OSBPL3: variants seen among roughly 807,000 people sequenced by gnomAD.
OSBPL3 encodes the protein oxysterol binding protein like 3.
OSBPL3 carries 65 observed loss-of-function variants against 120.1 expected under a neutral mutation model. The ratio of observed to expected loss-of-function variants is 0.54; its 90% CI spans 0.44 to 0.67. OSBPL3 has a LOEUF of 0.67. OSBPL3 is among the 30% of genes least tolerant of loss of function. OSBPL3 has a pLI of 0.00. For synonymous variants in OSBPL3, 416 were observed against 402.6 expected, an observed-to-expected ratio of 1.03 and a Z score of -0.40; for missense variants, 1,004 against 1,082.1, an observed-to-expected ratio of 0.93 and a Z score of 1.01.
In OSBPL3 at chr7:24,953,441, T is replaced by TA. The variant is rs971828738; in HGVS notation, c.-150+26444dup. 2.3e-4 allele frequency among the ~76,000 whole-genome samples: 34 copies of TA among 150,064 alleles called. No homozygotes were observed. Among genetic ancestry groups the TA allele is most frequent in the African/African-American group, 5.1e-4 (21 of 41,110 alleles). ...AATGTGTCTTATTAAAGTATTGTGT[T>TA]AAAAAAAAAAGTATTACGTATCTGC... On this transcript the variant is annotated intron_variant, in intron 1 of 22. Transcript: ENST00000313367. This position sits in a 1 kb window ranked among gnomAD's most constrained non-coding sequence, Gnocchi z 4.3.
At chr7:24,874,468 G>A (rs923287743) in intron 2 of OSBPL3, among the ~76,000 whole-genome samples, 1 of 152,058 alleles carries the variant, frequency 6.6e-6, no homozygotes, top group African/African-American at 2.4e-5. Context: ...TTACAAAACT[G>A]AAGAAAAAGT....
In OSBPL3 at chr7:24,830,144, T is replaced by C. The variant is rs1332035051; in HGVS notation, c.1884+624A>G. Among the ~76,000 whole-genome samples, 2 of 152,160 alleles carry C rather than the reference T, an allele frequency of 1.3e-5. No homozygotes were observed. Among genetic ancestry groups the C allele is most frequent in the East Asian group, 1.9e-4 (1 of 5,200 alleles). On this transcript the variant is annotated intron_variant, in intron 16 of 22. Transcript: ENST00000313367. The surrounding 1 kb of genome is among the most constrained non-coding windows in gnomAD (Gnocchi z 4.4). Reference sequence around the variant, plus strand: ...AAGCCTGAGTATTACTCTATGCTACTTCTATGGCAAGAGTGTGATGGAACC... The same window carrying C: ...AAGCCTGAGTATTACTCTATGCTACCTCTATGGCAAGAGTGTGATGGAACC...
chr7:24,888,904 T>C (rs1393132030), intron 2 of OSBPL3, among the ~76,000 whole-genome samples: 1 of 152,132 alleles, frequency 6.6e-6, no homozygotes, highest in African/African-American at 2.4e-5. Context: ...TGGATGAGAA[T>C]TTAAGTAAAA....
Position 24,872,029 on chromosome 7 carries a change from T to C in OSBPL3, c.137A>G (p.Asn46Ser), listed in dbSNP as rs1235075376. 3.1e-6 allele frequency: 5 copies of C among 1,613,958 alleles called. No individual in the cohort carries two copies. The highest frequency in any genetic ancestry group is 3.4e-6 in the Non-Finnish European group (4 of 1,179,848). The change falls in exon 3 of 23, where the codon AAT becomes AGT. Residue 46 changes from asparagine (N) to serine (S), a missense_variant. Around this residue, in one of 4 missense-constraint regions of OSBPL3, gnomAD observed 255 missense variants for 248.7 expected, o/e 1.03. Coordinates refer to ENST00000313367, the MANE Select transcript of OSBPL3 (RefSeq NM_015550.4). The surrounding 1 kb of genome is among the most constrained non-coding windows in gnomAD (Gnocchi z 4.1). ...EVVEGLRGEMNYTQEPPVQKG... is the reference protein window; with the variant it reads ...EVVEGLRGEMSYTQEPPVQKG... ...CTGAACTGGTGGCTCCTGGGTGTAA[T>C]TCATCTCCCCCCTCAGTCCTTCCAC...
Position 24,879,479 on chromosome 7 carries a change from A to G in OSBPL3, c.97-7410T>C, listed in dbSNP as rs866204592. ...CAGAGCTAGGGAAGTGAATATCCAG[A>G]TAATTCAGGCCCCAGAATGTTTCAA... On this transcript the variant is annotated intron_variant, in intron 2 of 22. Transcript: ENST00000313367. The surrounding 1 kb of genome is among the most constrained non-coding windows in gnomAD (Gnocchi z 5.6). Among the ~76,000 whole-genome samples, 3 of 152,202 alleles carry G rather than the reference A, an allele frequency of 2.0e-5. No individual in the cohort carries two copies. Among genetic ancestry groups the G allele is most frequent in the Admixed American group, 1.3e-4 (2 of 15,282 alleles).
chr7:24,948,009 A>T (rs549403056), intron 1 of OSBPL3, among the ~76,000 whole-genome samples: 1 of 152,228 alleles, frequency 6.6e-6, no homozygotes, highest in Non-Finnish European at 1.5e-5. Context: ...AAGAAATAAA[A>T]AAATCAAACT....
intron 2 of OSBPL3, among the ~76,000 whole-genome samples, chr7:24,878,528 T>C (rs559429557): frequency 6.6e-6 from 1 of 152,344 alleles, no homozygotes; most frequent in African/African-American, 2.4e-5. Flanking sequence ...ATGATTGTTC[T>C]ATGAACACTG....
chr7:24,811,011 C>G (rs1793730117), intron 19 of OSBPL3, among the ~76,000 whole-genome samples: 1 of 152,192 alleles, frequency 6.6e-6, no homozygotes. Context: ...ATCTCTTTGA[C>G]ATACTGATTT....
At chr7:24,954,427 T>C (rs1168696709) in intron 1 of OSBPL3, among the ~76,000 whole-genome samples, 1 of 152,184 alleles carries the variant, frequency 6.6e-6, no homozygotes, top group Non-Finnish European at 1.5e-5. Flanking sequence ...CCAAGAATCA[T>C]CTACACTGCT....
At chr7:24,829,790 A>G (rs1796154020) in intron 16 of OSBPL3, among the ~76,000 whole-genome samples, 1 of 152,150 alleles carries the variant, frequency 6.6e-6, no homozygotes. Context: ...TAAAATTTCA[A>G]TATGTATACA....
rs1792040520 is a variant in OSBPL3, at chr7:24,799,372, G to T, written c.*811C>A. On this transcript the variant is annotated 3_prime_UTR_variant, in exon 23 of 23. Coordinates refer to ENST00000313367, the MANE Select transcript of OSBPL3 (RefSeq NM_015550.4). This position sits in a 1 kb window ranked among gnomAD's most constrained non-coding sequence, Gnocchi z 5.3. ...AAAAACGGGGTGGGGTGGGAAGCAG[G>T]AAACAGTCTCTTAACTTCTCAAGGA... The T allele has an allele frequency of 6.6e-6, 1 of 152,198 alleles. No homozygotes were observed. The highest frequency in any genetic ancestry group is 1.5e-5 in the Non-Finnish European group (1 of 68,036). 9.4% of individuals were successfully genotyped at this position (152,198 alleles called of 1,614,324 possible). A position where few individuals can be genotyped will look rare whatever the true frequency, so the allele number is the denominator to read the frequency against.
rs375734818 is a variant in OSBPL3 at position 24,806,826 on chromosome 7, T to C, written c.2394A>G (p.Ser798=). Residue 798 remains serine (S), a synonymous_variant, in exon 21 of 23, where the codon TCA becomes TCG. Transcript: ENST00000313367. This position sits in a 1 kb window ranked among gnomAD's most constrained non-coding sequence, Gnocchi z 5.2. ...CAGTAGGTGGCAATAAAGACTTTGA[T>C]GATGGATCCATTTCATTTAATTCCA... The part of the protein sequence containing the change: ...FALELNEMDP[S]SKSLLPPTDT... 1.6e-4 allele frequency: 261 copies of C among 1,613,808 alleles called. No individual in the cohort carries two copies. The highest frequency in any genetic ancestry group is 2.1e-4 in the Non-Finnish European group (245 of 1,179,786).
rs562064764 is a variant in OSBPL3 at position 24,965,688 on chromosome 7, G to C, written c.-150+14198C>G. Among the ~76,000 whole-genome samples the C allele has an allele frequency of 6.6e-6, 1 of 152,068 alleles. No homozygotes were observed. Among genetic ancestry groups the C allele is most frequent in the African/African-American group, 2.4e-5 (1 of 41,400 alleles). ...ACTAAATCAGAAACTGTGGGGGTGG[G>C]GCCCAGCAATCTGTTTTATTAAATA... On this transcript the variant is annotated intron_variant, in intron 1 of 22. Transcript: ENST00000313367. This position sits in a 1 kb window ranked among gnomAD's most constrained non-coding sequence, Gnocchi z 4.3.
At position 24,939,993 on chromosome 7, in the gene OSBPL3, AAAAG is replaced by A. The variant is rs1392979135; in HGVS notation, c.-150+39889_-150+39892del. ...TGTTCTGCACATGTATCCCAGAACTAAAAGAAAGAAAGAAAAATAAATACATAAA... is the reference window on the plus strand; with the variant it reads ...TGTTCTGCACATGTATCCCAGAACTAAAAGAAAGAAAAATAAATACATAAA... On this transcript the variant is annotated intron_variant, in intron 1 of 22. Coordinates refer to ENST00000313367, the MANE Select transcript of OSBPL3 (RefSeq NM_015550.4). The surrounding 1 kb of genome is among the most constrained non-coding windows in gnomAD (Gnocchi z 4.2). 1.3e-5 allele frequency among the ~76,000 whole-genome samples: 2 copies of A among 152,178 alleles called. No individual in the cohort carries two copies. The highest frequency in any genetic ancestry group is 2.4e-5 in the African/African-American group (1 of 41,436).
At chr7:24,901,250 C>T (rs1806973020) in intron 1 of OSBPL3, among the ~76,000 whole-genome samples, 1 of 150,436 alleles carries the variant, frequency 6.6e-6, no homozygotes, top group African/African-American at 2.5e-5. Context: ...TTGCTTGAAC[C>T]CAGGAGGTGG....
chr7:24,863,809 T>C lies in OSBPL3; in HGVS notation c.674-210A>G, dbSNP rs547596257. Among the ~76,000 whole-genome samples, 17 of 152,300 alleles carry C rather than the reference T, an allele frequency of 1.1e-4. No homozygotes were observed. Among genetic ancestry groups the C allele is most frequent in the Non-Finnish European group, 1.8e-4 (12 of 68,026 alleles). On this transcript the variant is annotated intron_variant, in intron 7 of 22. Coordinates refer to ENST00000313367, the MANE Select transcript of OSBPL3 (RefSeq NM_015550.4). This position sits in a 1 kb window ranked among gnomAD's most constrained non-coding sequence, Gnocchi z 5.8. ...ATCTTGAGAACCAGGCTGCTTCAGT[T>C]TGAATCCACTTAATGAACTGTAACT...
At chr7:24,973,283 T>C (rs747325121) in intron 1 of OSBPL3, among the ~76,000 whole-genome samples, 3 of 152,210 alleles carry the variant, frequency 2.0e-5, no homozygotes, top group Non-Finnish European at 4.4e-5. Context: ...CACAGACATA[T>C]AGACAGCAAC....
Position 24,936,436 on chromosome 7 carries a change from C to T in OSBPL3, c.-150+43450G>A, listed in dbSNP as rs923160561. Among the ~76,000 whole-genome samples the T allele has an allele frequency of 6.6e-6, 1 of 152,194 alleles. No individual in the cohort carries two copies. Among genetic ancestry groups the T allele is most frequent in the Non-Finnish European group, 1.5e-5 (1 of 68,044 alleles). ...GATCTTGCTCTTAACAAGGTCAAAACTGCAATGCAATACAATGGGCCAAGT... is the reference window on the plus strand; with the variant it reads ...GATCTTGCTCTTAACAAGGTCAAAATTGCAATGCAATACAATGGGCCAAGT... On this transcript the variant is annotated intron_variant, in intron 1 of 22. Transcript: ENST00000313367. The surrounding 1 kb of genome is among the most constrained non-coding windows in gnomAD (Gnocchi z 4.2).
chr7:24,903,878 C>T (rs929087226), intron 1 of OSBPL3, among the ~76,000 whole-genome samples: 1 of 136,416 alleles, frequency 7.3e-6, no homozygotes, highest in Non-Finnish European at 1.6e-5. Context: ...ATGTTCTCAC[C>T]ACCAATTTTT....
Sources: allele counts gnomAD v4.1 joint callset (sites outside exome capture counted in the v4.1 genomes callset), GRCh38; gene constraint gnomAD v4.1.1; regional missense constraint gnomAD v4.1.1; non-coding constraint Gnocchi (gnomAD v3.1); transcripts MANE v1.5; gene names NCBI Gene and HGNC (gene_info 2026-07-23, HGNC 2026-07-21).